Variants in KIF24 observed in about 807,000 individuals in gnomAD.
The protein encoded by KIF24 is kinesin-like protein KIF24.
Under a neutral mutation model 118.9 loss-of-function variants are expected in KIF24, and 81 were observed. The ratio of observed to expected loss-of-function variants is 0.68; its 90% CI spans 0.57 to 0.82. The LOEUF is 0.82. Ranked by LOEUF, KIF24 falls within the 40% of genes least tolerant of loss-of-function variation. The pLI is 0.00. For synonymous variants in KIF24, 599 were observed against 610.0 expected (o/e 0.98, Z 0.27); for missense variants, 1,560 against 1,661.6 (o/e 0.94, Z 1.06).
intron 5 of KIF24, 23 bp downstream of exon 5, chr9:34,290,151 C>T (rs531305427): frequency 3.9e-6 from 6 of 1,520,070 alleles, no homozygotes; most frequent in African/African-American, 2.7e-5. Flanking sequence ...ACAGATTTAT[C>T]GCTTCCCACT....
At chr9:34,314,836 T>C (rs1450051652) in intron 1 of KIF24, among the ~76,000 whole-genome samples, 1 of 152,168 alleles carries the variant, frequency 6.6e-6, no homozygotes, top group Non-Finnish European at 1.5e-5. Context: ...ATGAGACAAT[T>C]ACAAAGAGTA....
intron 1 of KIF24, among the ~76,000 whole-genome samples, chr9:34,323,975 G>C (rs1837598002): frequency 6.6e-6 from 1 of 152,110 alleles, no homozygotes; most frequent in Non-Finnish European, 1.5e-5. Flanking sequence ...GCCATATATT[G>C]GCTACATAAT....
Position 34,321,603 on chromosome 9 carries a change from CTTTTT to C in KIF24, c.-26+7498_-26+7502del, listed in dbSNP as rs1213493493. On this transcript the variant is annotated intron_variant, in intron 1 of 12. Coordinates refer to ENST00000402558, the MANE Select transcript of KIF24 (RefSeq NM_194313.4). The stretch of plus-strand genomic sequence containing the variant: ...AGCTATACATACATACATACTTCTT[CTTTTT>C]TTTTTTTTTTTTTTTAGAGAAAGCG... Among the ~76,000 whole-genome samples, 138 of 99,234 alleles carry C rather than the reference CTTTTT, an allele frequency of 1.4e-3. 1 individual carries two copies. In the Middle Eastern group the frequency reaches 0.058, roughly 42 times the overall value. The allele number at this position is 99,234 out of a possible 152,430, so 65.1% of individuals were successfully genotyped here.
At chr9:34,286,406 G>A (rs1836052952) in intron 6 of KIF24, among the ~76,000 whole-genome samples, 1 of 152,132 alleles carries the variant, frequency 6.6e-6, no homozygotes, top group South Asian at 2.1e-4. Flanking sequence ...TCTCCCACAT[G>A]CCCTACCTCC....
In KIF24 at chr9:34,254,535, A is replaced by T. The variant is rs763431119; in HGVS notation, c.3967-15T>A. On this transcript the variant is annotated splice_polypyrimidine_tract_variant and intron_variant, in intron 12 of 12. Transcript: ENST00000402558. Reference sequence around the variant, plus strand: ...TCTTCAAAATCCTGAGAAGGAAACAAGGGACGAATACAGCTTTTGCTCTTG... The same window carrying T: ...TCTTCAAAATCCTGAGAAGGAAACATGGGACGAATACAGCTTTTGCTCTTG... The T allele has an allele frequency of 6.2e-7, 1 of 1,612,162 alleles. No homozygotes were observed. Among genetic ancestry groups the T allele is most frequent in the East Asian group, 2.2e-5 (1 of 44,804 alleles).
chr9:34,275,570 G>A (rs952194310), intron 6 of KIF24, among the ~76,000 whole-genome samples: 1 of 152,162 alleles, frequency 6.6e-6, no homozygotes, highest in African/African-American at 2.4e-5. Context: ...GCCAGGCACA[G>A]TGGCTCCCAC....
rs1837175413 is a variant in KIF24 at position 34,311,767 on chromosome 9, C to CATATATACGTATATATGTGTATATAT, written c.-25-397_-25-396insATATATACACATATATACGTATATAT. On this transcript the variant is annotated intron_variant, in intron 1 of 12. Transcript: ENST00000402558. ...ATATACGTATATATGTGTATATATA[C>CATATATACGTATATATGTGTATATAT]ATATATATACACATATATATACACA... 2.1e-5 allele frequency among the ~76,000 whole-genome samples: 3 copies of CATATATACGTATATATGTGTATATAT among 145,478 alleles called. No homozygotes were observed. In the Admixed American group the frequency reaches 2.1e-4, roughly 10 times the overall value.
chr9:34,262,660 A>T (rs1587914620), intron 9 of KIF24, among the ~76,000 whole-genome samples: 33 of 45,400 alleles, frequency 7.3e-4, no homozygotes, highest in Non-Finnish European at 9.9e-4. Flanking sequence ...AAAAAAAAAA[A>T]AAAAAAAAAA....
chr9:34,263,303 A>G, intron 8 of KIF24, 131 bp from the exon 9 acceptor site: 1 of 705,344 alleles, frequency 1.4e-6, no homozygotes, highest in East Asian at 2.8e-5. Context: ...AAGGAAGTCA[A>G]AATGGCCTGT....
chr9:34,293,663 C>T (rs1836344916), intron 4 of KIF24, among the ~76,000 whole-genome samples: 1 of 152,006 alleles, frequency 6.6e-6, no homozygotes, highest in Non-Finnish European at 1.5e-5. Context: ...GCAGTCCCAG[C>T]TACTCGGGAG....
At chr9:34,321,555 G>T (rs1490391647) in intron 1 of KIF24, among the ~76,000 whole-genome samples, 7 of 98,676 alleles carry the variant, frequency 7.1e-5, no homozygotes, top group Admixed American at 5.1e-4. Flanking sequence ...GTGATCTACC[G>T]ATAGCATTAA....
intron 1 of KIF24, among the ~76,000 whole-genome samples, chr9:34,328,831 A>G (rs1837767898): frequency 6.6e-6 from 1 of 152,228 alleles, no homozygotes. Flanking sequence ...TATCGGTTCA[A>G]AAGCAAGAAG....
rs189066690 is a variant in KIF24, at chr9:34,305,296, A to G, written c.813+956T>C. On this transcript the variant is annotated intron_variant, in intron 3 of 12. Transcript: ENST00000402558. ...ACCCTTATATGTTAGATGTGAAATC[A>G]TATCTCTGGATTTTATTTACCCACT... Among the ~76,000 whole-genome samples, 260 of 152,310 alleles carry G rather than the reference A, an allele frequency of 1.7e-3. 1 individual carries two copies. The highest frequency in any genetic ancestry group is 5.9e-3 in the African/African-American group (246 of 41,576).
rs534112621 is a variant in KIF24, at chr9:34,325,984, C to T, written c.-26+3122G>A. Among the ~76,000 whole-genome samples the T allele has an allele frequency of 4.6e-5, 7 of 152,260 alleles. No individual in the cohort carries two copies. In the Middle Eastern group the frequency reaches 0.01, roughly 222 times the overall value. On this transcript the variant is annotated intron_variant, in intron 1 of 12. Transcript: ENST00000402558. ...TTACAGTTCCAAGAGGAAACTTTAT[C>T]CAATCTTCAAGAAATATTTTTTGAG...
rs1563936465 is a variant in KIF24, at chr9:34,262,660, A to AT, written c.1515+440_1515+441insA. Among the ~76,000 whole-genome samples, 276 of 45,318 alleles carry AT rather than the reference A, an allele frequency of 6.1e-3. 10 individuals are homozygous for AT. Among genetic ancestry groups the AT allele is most frequent in the Middle Eastern group, 9.8e-3 (1 of 102 alleles). The allele number at this position is 45,318 out of a possible 152,430, so 29.7% of individuals were successfully genotyped here. ...TGTCTCTACCAAAAAAAAAAAAAAA[A>AT]AAAAAAAAAAAAAAAATATATATAT... On this transcript the variant is annotated intron_variant, in intron 9 of 12. Transcript: ENST00000402558.
chr9:34,282,359 A>G (rs1835876618), intron 6 of KIF24, among the ~76,000 whole-genome samples: 1 of 152,208 alleles, frequency 6.6e-6, no homozygotes, highest in Non-Finnish European at 1.5e-5. Flanking sequence ...AGTGGTTGCC[A>G]GGCACTGGGG....
intron 8 of KIF24, among the ~76,000 whole-genome samples, chr9:34,264,767 A>C (rs1835223696): frequency 6.6e-6 from 1 of 152,092 alleles, no homozygotes; most frequent in East Asian, 1.9e-4. Context: ...AAATAAAAAA[A>C]GTTTGGCTCC....
chr9:34,321,771 T>C (rs1837533932), intron 1 of KIF24, among the ~76,000 whole-genome samples: 1 of 152,014 alleles, frequency 6.6e-6, no homozygotes, highest in Non-Finnish European at 1.5e-5. Context: ...CAAACCTGAC[T>C]AATTTTTTTA....
intron 9 of KIF24, among the ~76,000 whole-genome samples, chr9:34,262,675 A>AATATATATATAT (rs1428160924): frequency 9.6e-4 from 26 of 27,064 alleles, no homozygotes; most frequent in African/African-American, 1.7e-3. Context: ...AAAAAAAAAA[A>AATATATATATAT]ATATATATAT....
Sources: gnomAD v4.1 joint callset for allele counts (sites outside exome capture counted in the v4.1 genomes callset) on GRCh38, gnomAD v4.1.1 for gene constraint, MANE v1.5 for transcripts, NCBI Gene and HGNC (gene_info 2026-07-23, HGNC 2026-07-21) for gene names.